Variants in TCAIM observed in about 807,000 individuals in gnomAD.
TCAIM encodes T cell activation inhibitor, mitochondrial.
TCAIM carries 36 observed loss-of-function variants against 58.6 expected under a neutral mutation model. That is an observed-to-expected ratio of 0.61 (90% CI 0.47 to 0.81). TCAIM has a LOEUF of 0.81. TCAIM is among the 30% of genes least tolerant of loss of function. The probability of loss-of-function intolerance (pLI) is 0.00; values close to 1 mark genes in which losing one functional copy is unlikely to be tolerated. For synonymous variants in TCAIM, 172 were observed against 193.6 expected (o/e 0.89, Z 0.93); for missense variants, 466 against 579.6 (o/e 0.80, Z 2.01).
At chr3:44,401,101 T>C in intron 9 of TCAIM, 102 bp from the exon 10 acceptor site, 1 of 1,501,626 alleles carries the variant, frequency 6.7e-7, no homozygotes, top group Non-Finnish European at 8.9e-7. Context: ...TGGCTTTTCT[T>C]GATGATTTTT....
At chr3:44,342,814 C>T (rs577829608) in intron 1 of TCAIM, among the ~76,000 whole-genome samples, 16 of 151,662 alleles carry the variant, frequency 1.1e-4, no homozygotes, top group African/African-American at 3.6e-4. Flanking sequence ...CCCTATTGAC[C>T]AATTGCATAT....
intron 3 of TCAIM, chr3:44,358,178 A>C (rs766027450): frequency 6.4e-7 from 1 of 1,554,500 alleles, no homozygotes; most frequent in East Asian, 2.3e-5. Flanking sequence ...TGAGACCTTT[A>C]TTATCATGAT....
Position 44,407,699 on chromosome 3 carries a change from A to T in TCAIM, c.*17A>T, listed in dbSNP as rs890634234. 6.4e-7 allele frequency: 1 copy of T among 1,558,594 alleles called. No homozygotes were observed. The highest frequency in any genetic ancestry group is 1.4e-5 in the African/African-American group (1 of 72,280). On this transcript the variant is annotated 3_prime_UTR_variant, in exon 11 of 11. Transcript: ENST00000342649. Reference sequence around the variant, plus strand: ...ATTAAGTAACACAGAAATCTGTTTTATTTTTTTAAGAGATAAGAAAGGAAC... The same window carrying T: ...ATTAAGTAACACAGAAATCTGTTTTTTTTTTTTAAGAGATAAGAAAGGAAC...
chr3:44,391,191 T>G (rs1701828844), intron 5 of TCAIM: 1 of 152,202 alleles, frequency 6.6e-6, no homozygotes, highest in South Asian at 2.1e-4. Flanking sequence ...AGACTTTTTT[T>G]TTTTTGTAAT....
intron 5 of TCAIM, among the ~76,000 whole-genome samples, chr3:44,388,879 A>G (rs1422729862): frequency 6.6e-6 from 1 of 152,172 alleles, no homozygotes; most frequent in Non-Finnish European, 1.5e-5. Flanking sequence ...TTTGCCAGGA[A>G]GCTCTGGCTC....
chr3:44,378,967 TG>T (rs898473798), intron 5 of TCAIM, among the ~76,000 whole-genome samples: 36 of 151,830 alleles, frequency 2.4e-4, no homozygotes, highest in Admixed American at 7.9e-4. Flanking sequence ...AAGACCACCC[TG>T]GGCAACATGA....
chr3:44,354,702 C>A, intron 1 of TCAIM, 37 bp from the exon 2 acceptor site: 1 of 1,431,804 alleles, frequency 7.0e-7, no homozygotes, highest in South Asian at 1.3e-5. Context: ...ATTTAAAATT[C>A]TACTTGTTCA....
intron 4 of TCAIM, among the ~76,000 whole-genome samples, chr3:44,366,413 G>A (rs1425144273): frequency 2.0e-5 from 3 of 148,516 alleles, no homozygotes; most frequent in Non-Finnish European, 4.4e-5. Context: ...TCAGCCTCCC[G>A]AGTACTTGGG....
intron 5 of TCAIM, among the ~76,000 whole-genome samples, chr3:44,368,663 G>GA (rs1250031499): frequency 6.6e-6 from 1 of 152,216 alleles, no homozygotes; most frequent in Admixed American, 6.5e-5. Flanking sequence ...CTCTGAGATG[G>GA]AAATGTGGGT....
intron 5 of TCAIM, among the ~76,000 whole-genome samples, chr3:44,372,208 A>G (rs958586636): frequency 6.6e-6 from 1 of 152,180 alleles, no homozygotes; most frequent in Non-Finnish European, 1.5e-5. Context: ...CTTGGAACTA[A>G]TGCCTCATGT....
chr3:44,369,060 GGCATAGAGGTT>G (rs1701423721), intron 5 of TCAIM, among the ~76,000 whole-genome samples: 1 of 152,114 alleles, frequency 6.6e-6, no homozygotes, highest in Non-Finnish European at 1.5e-5. Flanking sequence ...GAGTCATGGT[GGCATAGAGGTT>G]GCCGAATTGA....
chr3:44,406,402 T>G (rs914384790), intron 10 of TCAIM, among the ~76,000 whole-genome samples: 1 of 152,198 alleles, frequency 6.6e-6, no homozygotes. Flanking sequence ...CTGGAGAGAT[T>G]AGAAGCAGGC....
intron 5 of TCAIM, among the ~76,000 whole-genome samples, chr3:44,380,908 T>C (rs1406271268): frequency 1.3e-5 from 2 of 152,052 alleles, no homozygotes; most frequent in Non-Finnish European, 2.9e-5. Flanking sequence ...CTAAATAAAA[T>C]GGACATATTT....
At chr3:44,384,882 G>A (rs1701711533) in intron 5 of TCAIM, among the ~76,000 whole-genome samples, 1 of 152,186 alleles carries the variant, frequency 6.6e-6, no homozygotes, top group South Asian at 2.1e-4. Flanking sequence ...CCAGTTGGTA[G>A]CCTGCAAATA....
rs904511544 is a variant in TCAIM at position 44,338,770 on chromosome 3, T to G, written c.-109T>G. 6.6e-6 allele frequency: 1 copy of G among 152,292 alleles called. No homozygotes were observed. The highest frequency in any genetic ancestry group is 2.4e-5 in the African/African-American group (1 of 41,456). The allele number at this position is 152,292 out of a possible 1,614,324, so 9.4% of individuals were successfully genotyped here. Reference sequence around the variant, plus strand: ...CGGGCGGAGCGACTGTCCTCCCTTCTGGTGTACTGGGTGGGAGGTGGAACT... The same window carrying G: ...CGGGCGGAGCGACTGTCCTCCCTTCGGGTGTACTGGGTGGGAGGTGGAACT... On this transcript the variant is annotated 5_prime_UTR_variant, in exon 1 of 11. Coordinates refer to ENST00000342649, the MANE Select transcript of TCAIM (RefSeq NM_173826.4).
chr3:44,366,622 G>A (rs1397692864), intron 4 of TCAIM, among the ~76,000 whole-genome samples: 3 of 95,454 alleles, frequency 3.1e-5, no homozygotes, highest in Non-Finnish European at 4.6e-5. Flanking sequence ...CACCACGCCC[G>A]GCTAATTTTT....
At chr3:44,351,336 T>C (rs1701084527) in intron 1 of TCAIM, among the ~76,000 whole-genome samples, 1 of 151,388 alleles carries the variant, frequency 6.6e-6, no homozygotes, top group South Asian at 2.1e-4. Flanking sequence ...CCTCTGCATC[T>C]AGCCCCAAAT....
At chr3:44,342,116 T>G (rs1349594268) in intron 1 of TCAIM, among the ~76,000 whole-genome samples, 1 of 152,208 alleles carries the variant, frequency 6.6e-6, no homozygotes, top group African/African-American at 2.4e-5. Flanking sequence ...AATTTTTCTT[T>G]TTTATAAAAT....
chr3:44,367,874 A>G, intron 5 of TCAIM, 166 bp downstream of exon 5: 2 of 566,630 alleles, frequency 3.5e-6, no homozygotes, highest in Non-Finnish European at 2.8e-6. Context: ...TAGTTAATCC[A>G]GTAATCATTA....
Sources: allele counts gnomAD v4.1 joint callset (sites outside exome capture counted in the v4.1 genomes callset), GRCh38; gene constraint gnomAD v4.1.1; transcripts MANE v1.5; gene names NCBI Gene and HGNC (gene_info 2026-07-23, HGNC 2026-07-21).